RNMT: variants seen among roughly 807,000 people sequenced by gnomAD.
The protein encoded by RNMT is mRNA cap guanine-N(7) methyltransferase.
In RNMT, 27 loss-of-function variants were observed where a neutral mutation model predicts 56.0. The observed-to-expected ratio is 0.48, with a 90% confidence interval of 0.36 to 0.67. The LOEUF is 0.67. Ranked by LOEUF, RNMT falls within the 30% of genes least tolerant of loss-of-function variation. The pLI is 0.00. For missense variants in RNMT, 519 were observed against 552.1 expected (o/e 0.94, Z 0.60); for synonymous variants, 184 against 176.2 (o/e 1.04, Z -0.35).
At chr18:13,746,562 T>A (rs905748668) in intron 9 of RNMT, among the ~76,000 whole-genome samples, 1 of 152,254 alleles carries the variant, frequency 6.6e-6, no homozygotes, top group African/African-American at 2.4e-5. Context: ...ATAGTACTGC[T>A]TTAAAATAGG....
At position 13,734,614 on chromosome 18, in the gene RNMT, C is replaced by T; in HGVS notation, c.553+15C>T. On this transcript the variant is annotated intron_variant, in intron 4 of 11. Transcript: ENST00000383314. ...TGTTCTCATTGGTATGATCCAACAC[C>T]AAGCTACTGAGTCTTTAATTCCTAT... 1 of 1,591,156 alleles carries T rather than the reference C, an allele frequency of 6.3e-7. No homozygotes were observed. Among genetic ancestry groups the T allele is most frequent in the Non-Finnish European group, 8.6e-7 (1 of 1,168,954 alleles).
rs1363489073 is a variant in RNMT at position 13,731,932 on chromosome 18, A to G, written c.415A>G (p.Lys139Glu). Residue 139 changes from lysine to glutamate, a missense_variant and splice_region_variant, in exon 3 of 12, where the codon AAA becomes GAA. Transcript: ENST00000383314. ...ACTTGAGGATGTTCCTGAAAAGCAGAAAGTATGTTCAGTGTATTTTCATTT... is the reference window on the plus strand; with the variant it reads ...ACTTGAGGATGTTCCTGAAAAGCAGGAAGTATGTTCAGTGTATTTTCATTT... ...IALEDVPEKQ[K>E]NLEEGHSSTV... 13 of 1,587,950 alleles carry G rather than the reference A, an allele frequency of 8.2e-6. No homozygotes were observed. Among genetic ancestry groups the G allele is most frequent in the Admixed American group, 3.8e-5 (2 of 53,116 alleles).
At chr18:13,752,273 T>G (rs1203555879) in intron 9 of RNMT, 53 bp from the exon 10 acceptor site, 2 of 1,094,888 alleles carry the variant, frequency 1.8e-6, no homozygotes, top group Admixed American at 3.5e-5. Context: ...CATGTTTAAT[T>G]CTGAATTGTA....
At chr18:13,733,316 A>C (rs753589510) in intron 3 of RNMT, among the ~76,000 whole-genome samples, 4 of 152,176 alleles carry the variant, frequency 2.6e-5, no homozygotes, top group African/African-American at 4.8e-5. Flanking sequence ...GTTGGGTTAC[A>C]TGTAACATAT....
At position 13,741,610 on chromosome 18, in the gene RNMT, A is replaced by C. The variant is rs761745817; in HGVS notation, c.893A>C (p.Asp298Ala). ...HYSFESYEQA[D>A]MMLRNACERL... Reference sequence around the variant, plus strand: ...TCATTTGAGTCTTATGAGCAGGCTGACATGATGCTGAGAAATGCGTGTGAG... The same window carrying C: ...TCATTTGAGTCTTATGAGCAGGCTGCCATGATGCTGAGAAATGCGTGTGAG... The change falls in exon 7 of 12, where the codon GAC becomes GCC. Residue 298 changes from aspartate (D) to alanine (A), a missense_variant. Coordinates refer to ENST00000383314, the MANE Select transcript of RNMT (RefSeq NM_003799.3). The C allele has an allele frequency of 6.2e-7, 1 of 1,614,066 alleles. No homozygotes were observed. Among genetic ancestry groups the C allele is most frequent in the Non-Finnish European group, 8.5e-7 (1 of 1,179,908 alleles).
rs1340625852 is a variant in RNMT at position 13,731,557 on chromosome 18, T to A, written c.40T>A (p.Ser14Thr). The stretch of plus-strand genomic sequence containing the variant: ...AAAAGCAGAAGAATATGAAAAGATG[T>A]CTCTTGAACAGGCAAAAGCGTCAGT... ...SAKAEEYEKM[S>T]LEQAKASVNS... Residue 14 changes from serine (S) to threonine (T), a missense_variant, in exon 3 of 12, where the codon TCT becomes ACT. Physicochemically the swap from Ser to Thr is moderately conservative, Grantham distance 58. Coordinates refer to ENST00000383314, the MANE Select transcript of RNMT (RefSeq NM_003799.3). 2 of 1,599,338 alleles carry A rather than the reference T, an allele frequency of 1.3e-6. No individual in the cohort carries two copies. Among genetic ancestry groups the A allele is most frequent in the Admixed American group, 1.8e-5 (1 of 55,536 alleles).
In RNMT at chr18:13,742,613, A is replaced by G. The variant is rs1043282098; in HGVS notation, c.1100A>G (p.Asp367Gly). Residue 367 changes from aspartate to glycine, a missense_variant, in exon 8 of 12, where the codon GAT becomes GGT. Asp to Gly is a moderately conservative substitution (Grantham distance 94). Transcript: ENST00000383314. The part of the protein sequence containing the change: ...KYDFNLEGVV[D>G]VPEFLVYFPL... ...GACTTCAACTTGGAAGGTGTTGTGG[A>G]TGTTCCTGAATTCTTGGTCTATTTT... The G allele has an allele frequency of 5.6e-6, 9 of 1,613,466 alleles. No homozygotes were observed. In the African/African-American group the frequency reaches 1.1e-4, roughly 19 times the overall value.
intron 11 of RNMT, 24 bp downstream of exon 11, chr18:13,754,171 T>A (rs1049488835): frequency 2.0e-6 from 3 of 1,490,946 alleles, no homozygotes; most frequent in Non-Finnish European, 2.8e-6. Context: ...CAGCATAGAT[T>A]AACTGATAAT....
chr18:13,748,672 C>T lies in RNMT; in HGVS notation c.1257+2335C>T, dbSNP rs78949185. ...AGAAGAAAGAATGAAAAGATGTAGGCCATGGAACTGTAGGTCCTGACACCT... is the reference window on the plus strand; with the variant it reads ...AGAAGAAAGAATGAAAAGATGTAGGTCATGGAACTGTAGGTCCTGACACCT... On this transcript the variant is annotated intron_variant, in intron 9 of 11. Coordinates refer to ENST00000383314, the MANE Select transcript of RNMT (RefSeq NM_003799.3). 4.1e-3 allele frequency among the ~76,000 whole-genome samples: 626 copies of T among 152,272 alleles called. 5 individuals carry two copies. The highest frequency in any genetic ancestry group is 6.9e-3 in the Non-Finnish European group (466 of 68,026).
At chr18:13,753,004 A>T (rs2044477182) in intron 10 of RNMT, among the ~76,000 whole-genome samples, 1 of 152,246 alleles carries the variant, frequency 6.6e-6, no homozygotes, top group Admixed American at 6.5e-5. Context: ...GTGCAAAGCA[A>T]CACATATCTT....
intron 4 of RNMT, among the ~76,000 whole-genome samples, chr18:13,735,370 A>G (rs969438974): frequency 1.3e-5 from 2 of 152,240 alleles, no homozygotes; most frequent in Non-Finnish European, 2.9e-5. Context: ...TATTAGCAGT[A>G]GGAACTAACT....
chr18:13,734,513 T>C lies in RNMT; in HGVS notation c.467T>C (p.Leu156Pro), dbSNP rs1387654706. The change falls in exon 4 of 12, where the codon CTT becomes CCT. Residue 156 changes from leucine to proline, a missense_variant. Coordinates refer to ENST00000383314, the MANE Select transcript of RNMT (RefSeq NM_003799.3). ...SSTVAAHYNE[L>P]QEVGLEKRSQ... ...ACAGTGGCTGCCCATTACAATGAAC[T>C]TCAGGAAGTTGGTTTGGAGAAGCGT... The C allele has an allele frequency of 1.9e-6, 3 of 1,613,866 alleles. No homozygotes were observed. Among genetic ancestry groups the C allele is most frequent in the Admixed American group, 3.3e-5 (2 of 60,000 alleles).
intron 4 of RNMT, 80 bp downstream of exon 4, chr18:13,734,679 C>A: frequency 8.1e-7 from 1 of 1,228,932 alleles, no homozygotes; most frequent in Non-Finnish European, 1.1e-6. Context: ...AAGCTAGAGC[C>A]AAGACTAGGT....
chr18:13,757,703 C>T (rs1260141487), intron 11 of RNMT, among the ~76,000 whole-genome samples: 1 of 152,154 alleles, frequency 6.6e-6, no homozygotes, highest in African/African-American at 2.4e-5. Context: ...GAATCCAGTT[C>T]TTCTAAACTT....
In RNMT at chr18:13,762,212, C is replaced by G. The variant is rs2044629508; in HGVS notation, c.*2233C>G. 5 of 1,472,044 alleles carry G rather than the reference C, an allele frequency of 3.4e-6. No individual in the cohort carries two copies. The East Asian group carries it at 1.2e-4, about 37-fold the overall frequency. 91.2% of individuals were successfully genotyped at this position (1,472,044 alleles called of 1,614,324 possible). ...CCAGCTATTGGTGGGAATGACGGAA[C>G]TGGGGATTGCGATGATTGATCTGGG... On this transcript the variant is annotated 3_prime_UTR_variant, in exon 12 of 12. Transcript: ENST00000383314.
rs773592390 is a variant in RNMT, at chr18:13,741,476, C to T, written c.793-34C>T. On this transcript the variant is annotated intron_variant, in intron 6 of 11. Coordinates refer to ENST00000383314, the MANE Select transcript of RNMT (RefSeq NM_003799.3). ...AAGTTTTTAATCTTTGTTGTAGTTACCTCACAATCTTAACTCATTTTAATT... is the reference window on the plus strand; with the variant it reads ...AAGTTTTTAATCTTTGTTGTAGTTATCTCACAATCTTAACTCATTTTAATT... The T allele has an allele frequency of 7.9e-6, 12 of 1,513,324 alleles. No homozygotes were observed. The South Asian group carries it at 1.3e-4, about 16-fold the overall frequency. The allele number at this position is 1,513,324 out of a possible 1,614,324, so 93.7% of individuals were successfully genotyped here. A position where few individuals can be genotyped will look rare whatever the true frequency, so the allele number is the denominator to read the frequency against.
chr18:13,759,433 G>A, intron 11 of RNMT, among the ~76,000 whole-genome samples: 1 of 152,164 alleles, frequency 6.6e-6, no homozygotes, highest in East Asian at 1.9e-4. Context: ...AGTATTGATT[G>A]TCGTAGAGCT....
At chr18:13,752,817 C>T (rs987954509) in intron 10 of RNMT, among the ~76,000 whole-genome samples, 1 of 152,228 alleles carries the variant, frequency 6.6e-6, no homozygotes, top group Non-Finnish European at 1.5e-5. Context: ...AGAATGATTA[C>T]TACAATAGTA....
chr18:13,753,396 C>T (rs2044484527), intron 10 of RNMT, among the ~76,000 whole-genome samples: 1 of 151,848 alleles, frequency 6.6e-6, no homozygotes. Flanking sequence ...ACCCGGGAGG[C>T]GGAGCTTGCA....
Sources: gnomAD v4.1 joint callset for allele counts (sites outside exome capture counted in the v4.1 genomes callset) on GRCh38, gnomAD v4.1.1 for gene constraint, MANE v1.5 for transcripts, NCBI Gene and HGNC (gene_info 2026-07-23, HGNC 2026-07-21) for gene names.